Variants in SHROOM3 observed in about 807,000 individuals in gnomAD.
SHROOM3 encodes the protein shroom family member 3, also known as protein Shroom3.
SHROOM3 carries 47 observed loss-of-function variants against 138.6 expected under a neutral mutation model. The observed-to-expected ratio is 0.34, with a 90% CI of 0.27 to 0.43. The LOEUF (loss-of-function observed/expected upper bound fraction) is 0.43, where lower values mean the gene tolerates loss of function less well. SHROOM3 is among the 20% of genes least tolerant of loss of function. The pLI is 1.00. For synonymous variants in SHROOM3, 1,062 were observed against 1,063.3 expected (o/e 1.00, Z 0.02); for missense variants, 2,491 against 2,596.5 (o/e 0.96, Z 0.88).
At chr4:76,562,018 C>T (rs1345254118) in intron 2 of SHROOM3, among the ~76,000 whole-genome samples, 3 of 151,588 alleles carry the variant, frequency 2.0e-5, no homozygotes, top group Non-Finnish European at 4.4e-5. Context: ...TCTCAAAAAA[C>T]AAAACAAAAA....
intron 4 of SHROOM3, among the ~76,000 whole-genome samples, chr4:76,737,474 G>C (rs1721107575): frequency 6.6e-6 from 1 of 152,118 alleles, no homozygotes; most frequent in African/African-American, 2.4e-5. Context: ...CTTATGGTAA[G>C]AGTATGTTTA....
intron 1 of SHROOM3, among the ~76,000 whole-genome samples, chr4:76,532,568 T>C (rs543454507): frequency 8.5e-6 from 1 of 117,914 alleles, no homozygotes; most frequent in African/African-American, 4.3e-5. Flanking sequence ...CATTTCTGTT[T>C]GTGCCTTTCA....
chr4:76,556,972 CT>C (rs1369434714), intron 2 of SHROOM3, among the ~76,000 whole-genome samples: 1 of 152,114 alleles, frequency 6.6e-6, no homozygotes, highest in Non-Finnish European at 1.5e-5. Context: ...AATTGCTTCT[CT>C]GGTGGTCAGT....
chr4:76,752,646 A>C (rs1050196177), intron 6 of SHROOM3, among the ~76,000 whole-genome samples: 13 of 152,262 alleles, frequency 8.5e-5, no homozygotes, highest in African/African-American at 2.9e-4. Flanking sequence ...TCATTCCTAA[A>C]AACACAAAAT....
rs547157800 is a variant in SHROOM3, at chr4:76,438,214, A to G, written c.168+1994A>G. Among the ~76,000 whole-genome samples, 6 of 152,350 alleles carry G rather than the reference A, an allele frequency of 3.9e-5. No individual in the cohort carries two copies. The East Asian group carries it at 1.2e-3, about 29-fold the overall frequency. ...ATAAGCCAAACCAAAAGATGGCTCTATGATGTCAGGGACCCAAGTTCCTTC... is the reference window on the plus strand; with the variant it reads ...ATAAGCCAAACCAAAAGATGGCTCTGTGATGTCAGGGACCCAAGTTCCTTC... On this transcript the variant is annotated intron_variant, in intron 1 of 10. Coordinates refer to ENST00000296043, the MANE Select transcript of SHROOM3 (RefSeq NM_020859.4).
chr4:76,756,421 T>C (rs763237177), intron 7 of SHROOM3, 28 bp from the exon 8 acceptor site: 44 of 1,460,170 alleles, frequency 3.0e-5, no homozygotes, highest in Admixed American at 8.3e-5. Flanking sequence ...CTCTCTCTTT[T>C]TTTTTTTTTT....
At chr4:76,639,676 T>C in intron 2 of SHROOM3, 1 of 398,352 alleles carries the variant, frequency 2.5e-6, no homozygotes, top group Non-Finnish European at 4.4e-6. Context: ...GTGTTTCCTA[T>C]TAGCCAGTAT....
rs1382885698 is a variant in SHROOM3, at chr4:76,668,479, G to A, written c.324-41677G>A. 2.0e-5 allele frequency among the ~76,000 whole-genome samples: 3 copies of A among 151,958 alleles called. 1 individual carries two copies. The highest frequency in any genetic ancestry group is 4.4e-5 in the Non-Finnish European group (3 of 67,984). ...TCCTAGCTACTCAGGAGGCTGAGGT[G>A]GGAGAATTGCTTGAACCAAGGAGGC... On this transcript the variant is annotated intron_variant, in intron 2 of 10. Transcript: ENST00000296043.
chr4:76,444,823 A>T (rs907786295), intron 1 of SHROOM3, among the ~76,000 whole-genome samples: 12 of 151,954 alleles, frequency 7.9e-5, no homozygotes, highest in Admixed American at 6.6e-4. Context: ...GGCACCAGGC[A>T]TGGTGGCTCA....
In SHROOM3 at chr4:76,435,578, C is replaced by T. The variant is rs1476741286; in HGVS notation, c.-475C>T. On this transcript the variant is annotated 5_prime_UTR_variant, in exon 1 of 11. Coordinates refer to ENST00000296043, the MANE Select transcript of SHROOM3 (RefSeq NM_020859.4). ...GAGGCTATTGTAATGGTAAATTTCACTCCGAGAGGAAGAAAGGGTTGATAA... is the reference window on the plus strand; with the variant it reads ...GAGGCTATTGTAATGGTAAATTTCATTCCGAGAGGAAGAAAGGGTTGATAA... 6.6e-6 allele frequency: 1 copy of T among 152,202 alleles called. No individual in the cohort carries two copies. Among genetic ancestry groups the T allele is most frequent in the African/African-American group, 2.4e-5 (1 of 41,410 alleles). The allele number at this position is 152,202 out of a possible 1,614,324, so 9.4% of individuals were successfully genotyped here.
At chr4:76,519,528 G>A (rs572502734) in intron 1 of SHROOM3, among the ~76,000 whole-genome samples, 10 of 152,214 alleles carry the variant, frequency 6.6e-5, no homozygotes, top group South Asian at 2.1e-4. Flanking sequence ...ATAATGAATC[G>A]CAGTTGGTCT....
chr4:76,514,925 T>C (rs1732413710), intron 1 of SHROOM3, among the ~76,000 whole-genome samples: 1 of 151,860 alleles, frequency 6.6e-6, no homozygotes, highest in African/African-American at 2.4e-5. Context: ...GACCCATTTG[T>C]TAAAAAAGTT....
At chr4:76,731,970 G>A (rs971598853) in intron 4 of SHROOM3, among the ~76,000 whole-genome samples, 4 of 152,076 alleles carry the variant, frequency 2.6e-5, no homozygotes, top group Non-Finnish European at 5.9e-5. Context: ...TCAAGGTTTG[G>A]TCAGGAAGAA....
chr4:76,774,008 C>T (rs75461947), intron 10 of SHROOM3, among the ~76,000 whole-genome samples: 8,811 of 152,114 alleles, frequency 0.058, 292 homozygotes, highest in Non-Finnish European at 0.07. Context: ...AGTTGGGAGG[C>T]TCATTTTAAT....
chr4:76,533,796 A>G (rs1732882570), intron 1 of SHROOM3, among the ~76,000 whole-genome samples: 1 of 152,220 alleles, frequency 6.6e-6, no homozygotes, highest in African/African-American at 2.4e-5. Flanking sequence ...GTTTGCTGGG[A>G]AGCTATTAAT....
intron 1 of SHROOM3, among the ~76,000 whole-genome samples, chr4:76,529,285 T>C (rs1439310058): frequency 6.6e-6 from 1 of 152,106 alleles, no homozygotes. Context: ...TTATGTTGGC[T>C]TAGGGCTCTC....
intron 3 of SHROOM3, among the ~76,000 whole-genome samples, chr4:76,722,704 C>A (rs1720586954): frequency 6.6e-6 from 1 of 151,150 alleles, no homozygotes; most frequent in African/African-American, 2.4e-5. Context: ...GCACAGTGTT[C>A]AATAAGAATA....
chr4:76,715,650 G>A (rs973822236), intron 3 of SHROOM3, among the ~76,000 whole-genome samples: 3 of 152,026 alleles, frequency 2.0e-5, no homozygotes, highest in African/African-American at 7.3e-5. Context: ...CCCTTATATG[G>A]GGATCTCGGA....
chr4:76,667,218 G>T (rs1718720700), intron 2 of SHROOM3, among the ~76,000 whole-genome samples: 1 of 152,188 alleles, frequency 6.6e-6, no homozygotes, highest in Non-Finnish European at 1.5e-5. Context: ...GAATGCTGGT[G>T]ATGGTTGCAC....
Sources: allele counts gnomAD v4.1 joint callset (sites outside exome capture counted in the v4.1 genomes callset), GRCh38; gene constraint gnomAD v4.1.1; transcripts MANE v1.5; gene names NCBI Gene and HGNC (gene_info 2026-07-23, HGNC 2026-07-21).